The following DIP2C variants were observed in gnomAD, a reference collection of about 807,000 sequenced individuals.
DIP2C encodes the protein disco-interacting protein 2 homolog C.
Under a neutral mutation model 192.4 loss-of-function variants are expected in DIP2C, and 33 were observed. The observed-to-expected ratio is 0.17, with a 90% CI of 0.13 to 0.23. The LOEUF (loss-of-function observed/expected upper bound fraction) is 0.23. Ranked by LOEUF, DIP2C falls within the 10% of genes least tolerant of loss-of-function variation. The pLI is 1.00. For missense variants in DIP2C, 1,537 were observed against 2,110.1 expected, an observed-to-expected ratio of 0.73 and a Z score of 5.32; for synonymous variants, 979 against 864.1, an observed-to-expected ratio of 1.13 and a Z score of -2.33.
At chr10:625,974 G>C (rs533550078) in intron 1 of DIP2C, among the ~76,000 whole-genome samples, 1 of 152,288 alleles carries the variant, frequency 6.6e-6, no homozygotes, top group South Asian at 2.1e-4. Context: ...CTGGGACACA[G>C]AGAACTGCAC....
At chr10:329,667 G>A (rs1957417049) in intron 29 of DIP2C, 66 bp from the exon 30 acceptor site, 1 of 1,538,968 alleles carries the variant, frequency 6.5e-7, no homozygotes, top group Non-Finnish European at 8.8e-7. Flanking sequence ...AAGGCTGGAG[G>A]GCTCAGGGCA....
intron 26 of DIP2C, 182 bp from the exon 27 acceptor site, chr10:345,292 C>CG (rs1793232163): frequency 4.2e-6 from 3 of 706,836 alleles, no homozygotes; most frequent in Non-Finnish European, 7.6e-6. Flanking sequence ...TGTGGAGGCA[C>CG]GGGGGCAGGG....
At chr10:464,620 C>G (rs565079178) in intron 3 of DIP2C, among the ~76,000 whole-genome samples, 1 of 152,168 alleles carries the variant, frequency 6.6e-6, no homozygotes, top group Admixed American at 6.5e-5. Context: ...CAAGCAATCC[C>G]ATTACTGGGT....
intron 1 of DIP2C, among the ~76,000 whole-genome samples, chr10:572,785 G>A (rs1167564657): frequency 6.6e-6 from 1 of 152,142 alleles, no homozygotes; most frequent in Admixed American, 6.5e-5. Context: ...TAATAAACAC[G>A]TTGGTGCAGG....
intron 1 of DIP2C, among the ~76,000 whole-genome samples, chr10:619,741 G>C (rs1853740941): frequency 6.6e-6 from 1 of 152,168 alleles, no homozygotes; most frequent in South Asian, 2.1e-4. Flanking sequence ...CCATGGCCCA[G>C]CAGAGCCCTC....
chr10:495,748 A>G (rs143206642), intron 1 of DIP2C, among the ~76,000 whole-genome samples: 81 of 151,970 alleles, frequency 5.3e-4, no homozygotes, highest in African/African-American at 1.6e-3. Context: ...CTTACTCGCA[A>G]TACCCCAATG....
intron 1 of DIP2C, among the ~76,000 whole-genome samples, chr10:595,065 G>T (rs1851626752): frequency 6.6e-6 from 1 of 152,186 alleles, no homozygotes. Context: ...CCGACCCGCA[G>T]GTCTTCTACA....
chr10:390,173 C>T, intron 12 of DIP2C, 80 bp from the exon 13 acceptor site: 1 of 1,583,806 alleles, frequency 6.3e-7, no homozygotes, highest in Non-Finnish European at 8.7e-7. Context: ...TCTCCAAGTC[C>T]CTGAATTTTG....
At chr10:614,592 G>T (rs545635884) in intron 1 of DIP2C, among the ~76,000 whole-genome samples, 255 of 152,334 alleles carry the variant, frequency 1.7e-3, no homozygotes, top group African/African-American at 5.7e-3. Context: ...AATCTGCTCG[G>T]CCGACACAAA....
chr10:382,706 T>C lies in DIP2C; in HGVS notation c.1932A>G (p.Arg644=). The C allele has an allele frequency of 6.2e-7, 1 of 1,613,900 alleles. No homozygotes were observed. The highest frequency in any genetic ancestry group is 8.5e-7 in the Non-Finnish European group (1 of 1,179,952). ...TGGCACAAGGACAGATGACCTCCTG[T>C]CGAAGGCCTTTACTTTGGAAGACAT... The part of the protein sequence containing the change: ...FLNVFQSKGL[R]QEVICPCASS... The change falls in exon 17 of 37, where the codon CGA becomes CGG. Residue 644 remains arginine (R), a synonymous_variant. Coordinates refer to ENST00000280886, the MANE Select transcript of DIP2C (RefSeq NM_014974.3).
Position 465,447 on chromosome 10 carries a change from A to C in DIP2C, c.268+6992T>G, listed in dbSNP as rs1970124611. On this transcript the variant is annotated intron_variant, in intron 3 of 36. Transcript: ENST00000280886. ...GCCAATATCATACTGAATGGGCATA[A>C]ACTGGAAGCATTCCCTTTGAAAACT... Among the ~76,000 whole-genome samples, 4 of 152,098 alleles carry C rather than the reference A, an allele frequency of 2.6e-5. No homozygotes were observed. The South Asian group carries it at 8.3e-4, about 32-fold the overall frequency.
chr10:385,227 G>A, intron 14 of DIP2C, among the ~76,000 whole-genome samples: 1 of 152,200 alleles, frequency 6.6e-6, no homozygotes, highest in East Asian at 1.9e-4. Flanking sequence ...CGGTCGCACA[G>A]GACCCTGGAG....
At chr10:548,552 C>T (rs1844885092) in intron 1 of DIP2C, among the ~76,000 whole-genome samples, 1 of 138,632 alleles carries the variant, frequency 7.2e-6, no homozygotes, top group South Asian at 2.3e-4. Context: ...GCAGCGAGGA[C>T]AGAGGTGATG....
intron 1 of DIP2C, among the ~76,000 whole-genome samples, chr10:629,257 G>A (rs7076929): frequency 0.071 from 10,786 of 152,114 alleles, 595 homozygotes; most frequent in African/African-American, 0.15. Context: ...CCCAAGAGGC[G>A]GCTGTGAGGA....
intron 1 of DIP2C, among the ~76,000 whole-genome samples, chr10:531,843 G>GGCAACGCTT (rs1484760358): frequency 6.6e-6 from 1 of 152,242 alleles, no homozygotes; most frequent in African/African-American, 2.4e-5. Context: ...AGCCAATGCA[G>GGCAACGCTT]GCAACGCTTG....
At chr10:606,532 A>G (rs1040931774) in intron 1 of DIP2C, among the ~76,000 whole-genome samples, 17 of 148,514 alleles carry the variant, frequency 1.1e-4, no homozygotes, top group African/African-American at 3.8e-4. Context: ...TGCCGTAATT[A>G]CCTGCTGTGA....
chr10:353,967 T>C (rs770900996), intron 24 of DIP2C, among the ~76,000 whole-genome samples: 7 of 152,216 alleles, frequency 4.6e-5, no homozygotes, highest in Non-Finnish European at 7.3e-5. Flanking sequence ...AAAGACACTA[T>C]GAATGCCGTG....
At chr10:478,544 T>C (rs1278936694) in intron 2 of DIP2C, among the ~76,000 whole-genome samples, 1 of 149,988 alleles carries the variant, frequency 6.7e-6, no homozygotes, top group African/African-American at 2.5e-5. Flanking sequence ...ATGCTGGGGG[T>C]GTAGACACAT....
rs116960118 is a variant in DIP2C at position 526,761 on chromosome 10, G to A, written c.86-40231C>T. Among the ~76,000 whole-genome samples, 1,266 of 152,278 alleles carry A rather than the reference G, an allele frequency of 8.3e-3. 11 individuals carry two copies. Among genetic ancestry groups the A allele is most frequent in the Non-Finnish European group, 0.012 (786 of 68,016 alleles). ...TTTGTGTCATGTCTAAGAGCAAACT[G>A]GCATTCATGCCTCAGCACTGTGTGC... On this transcript the variant is annotated intron_variant, in intron 1 of 36. Transcript: ENST00000280886.
Sources: allele counts gnomAD v4.1 joint callset (sites outside exome capture counted in the v4.1 genomes callset), GRCh38; gene constraint gnomAD v4.1.1; transcripts MANE v1.5; gene names NCBI Gene and HGNC (gene_info 2026-07-23, HGNC 2026-07-21).